Variants in CEP131 observed in about 807,000 individuals in gnomAD.
CEP131 encodes the protein centrosomal protein 131.
Under a neutral mutation model 136.8 loss-of-function variants are expected in CEP131, and 99 were observed. That is an observed-to-expected ratio of 0.72 (90% confidence interval 0.62 to 0.86). CEP131 has a LOEUF of 0.86. CEP131 is among the 40% of genes least tolerant of loss of function. CEP131 has a pLI of 0.00. For synonymous variants in CEP131, 646 were observed against 612.7 expected, an observed-to-expected ratio of 1.05 and a Z score of -0.80; for missense variants, 1,459 against 1,463.0, an observed-to-expected ratio of 1.00 and a Z score of 0.04.
chr17:81,202,475 C>A, intron 6 of CEP131, 77 bp from the exon 7 acceptor site: 1 of 1,523,608 alleles, frequency 6.6e-7, no homozygotes, highest in Non-Finnish European at 8.9e-7. Context: ...GGTGCCCACT[C>A]CCGGAAGTCC....
At position 81,193,937 on chromosome 17, in the gene CEP131, ACGTTCGCG is replaced by A; in HGVS notation, c.2302_2309del (p.Arg768CysfsTer26). The A allele has an allele frequency of 6.5e-7, 1 of 1,536,000 alleles. No homozygotes were observed. The highest frequency in any genetic ancestry group is 8.8e-7 in the Non-Finnish European group (1 of 1,141,740). On this transcript the variant is annotated frameshift_variant, in exon 18 of 26. Coordinates refer to ENST00000450824, the MANE Select transcript of CEP131 (RefSeq NM_014984.4). LOFTEE classifies it high-confidence loss of function. ...GGGCCACCACCCACCGCTGCCGAGC[ACGTTCGCG>A]CTCCTGCTGGCCCAGCGCCTCCTTC...
chr17:81,213,558 C>CA (rs35729341), intron 2 of CEP131, among the ~76,000 whole-genome samples: 57,485 of 137,598 alleles, frequency 0.42, 11,806 homozygotes, highest in African/African-American at 0.53. Flanking sequence ...GACACTGTCT[C>CA]AAAAAAAAAA....
At chr17:81,195,760 T>A in intron 16 of CEP131, 75 bp downstream of exon 16, 1 of 1,343,768 alleles carries the variant, frequency 7.4e-7, no homozygotes, top group Middle Eastern at 2.5e-4. Context: ...CCGGTCCTGT[T>A]CTGGGGGCTG....
chr17:81,191,253 T>A lies in CEP131; in HGVS notation c.2705A>T (p.His902Leu), dbSNP rs765594231. The A allele has an allele frequency of 1.9e-6, 3 of 1,613,370 alleles. No individual in the cohort carries two copies. The African/African-American group carries it at 4.0e-5, about 22-fold the overall frequency. Residue 902 changes from histidine to leucine, a missense_variant, in exon 22 of 26, where the codon CAC becomes CTC. Coordinates refer to ENST00000450824, the MANE Select transcript of CEP131 (RefSeq NM_014984.4). ...CAGCGCCATGTCGGCCTCCAGCCGG[T>A]GAATGACCAGCTCAATCTCCTTGTC... The part of the protein sequence containing the change: ...GRDKEIELVI[H>L]RLEADMALAK...
At chr17:81,214,833 C>T (rs34532822) in intron 2 of CEP131, among the ~76,000 whole-genome samples, 59,184 of 151,524 alleles carry the variant, frequency 0.39, 13,729 homozygotes, top group East Asian at 0.63. Flanking sequence ...AGTGCAGTGG[C>T]GCGATCTCGG....
At position 81,197,097 on chromosome 17, in the gene CEP131, G is replaced by A. The variant is rs549066108; in HGVS notation, c.1648-42C>T. ...GCGTCAGGCGGAAGCGGCAGAGGAC[G>A]GGGGGCAGCCAAGGACCTGACACGA... On this transcript the variant is annotated intron_variant, in intron 13 of 25. Coordinates refer to ENST00000450824, the MANE Select transcript of CEP131 (RefSeq NM_014984.4). 1.0e-5 allele frequency: 16 copies of A among 1,560,170 alleles called. No homozygotes were observed. In the African/African-American group the frequency reaches 1.2e-4, roughly 12 times the overall value.
Position 81,194,898 on chromosome 17 carries a change from G to A in CEP131, c.2091C>T (p.Thr697=). The A allele has an allele frequency of 1.2e-6, 2 of 1,613,460 alleles. No individual in the cohort carries two copies. The highest frequency in any genetic ancestry group is 8.5e-7 in the Non-Finnish European group (1 of 1,179,976). ...ARREKWISEK[T]KKIKEVTVRG... is the part of the protein sequence containing the mutation. ...GGACAGTGACCTCCTTGATCTTCTT[G>A]GTTTTCTCACTGATCCACTTCTCCC... Residue 697 remains threonine, a synonymous_variant, in exon 17 of 26, where the codon ACC becomes ACT. Transcript: ENST00000450824.
At chr17:81,217,605 G>A (rs897831281) in intron 2 of CEP131, among the ~76,000 whole-genome samples, 4 of 152,142 alleles carry the variant, frequency 2.6e-5, no homozygotes, top group African/African-American at 9.6e-5. Context: ...TCCACCAGCA[G>A]TTCCCGAGCT....
rs752763906 is a variant in CEP131 at position 81,191,349 on chromosome 17, C to A, written c.2623-14G>T. On this transcript the variant is annotated splice_polypyrimidine_tract_variant and intron_variant, in intron 21 of 25. Transcript: ENST00000450824. The stretch of plus-strand genomic sequence containing the variant: ...CAGCCACGCCTCCTGGGGGGACATG[C>A]GCTGCCTGGGGGTTGCCACCCGGAG... 1.5e-5 allele frequency: 24 copies of A among 1,612,148 alleles called. No individual in the cohort carries two copies. In the South Asian group the frequency reaches 1.9e-4, roughly 13 times the overall value.
At chr17:81,213,357 C>T (rs1024845386) in intron 2 of CEP131, among the ~76,000 whole-genome samples, 16 of 152,072 alleles carry the variant, frequency 1.1e-4, no homozygotes, top group African/African-American at 3.1e-4. Flanking sequence ...GTCAGGAGTT[C>T]GAGACCAGCC....
intron 18 of CEP131, among the ~76,000 whole-genome samples, chr17:81,193,615 C>T (rs1397279833): frequency 6.6e-6 from 1 of 152,214 alleles, no homozygotes; most frequent in Non-Finnish European, 1.5e-5. Context: ...CGGGTTGCTG[C>T]TCTGGGGCCA....
chr17:81,189,830 C>T lies in CEP131; in HGVS notation c.3182G>A (p.Arg1061Gln), dbSNP rs563448103. 107 of 1,611,944 alleles carry T rather than the reference C, an allele frequency of 6.6e-5. No homozygotes were observed. Among genetic ancestry groups the T allele is most frequent in the Non-Finnish European group, 8.2e-5 (97 of 1,179,536 alleles). The change falls in exon 26 of 26, where the codon CGG becomes CAG. Residue 1061 changes from arginine to glutamine, a missense_variant. Arg to Gln is a conservative substitution (Grantham distance 43). Coordinates refer to ENST00000450824, the MANE Select transcript of CEP131 (RefSeq NM_014984.4). ...LRTQHEAAVK[R>Q]ADHLEELLEQ... ...CAGCAGCTCCTCCAGGTGGTCGGCCCGCTTCACCGCAGCCTGCAGCACACC... is the reference window on the plus strand; with the variant it reads ...CAGCAGCTCCTCCAGGTGGTCGGCCTGCTTCACCGCAGCCTGCAGCACACC...
At chr17:81,202,943 A>C (rs554532483) in intron 6 of CEP131, among the ~76,000 whole-genome samples, 1 of 150,704 alleles carries the variant, frequency 6.6e-6, no homozygotes, top group East Asian at 1.9e-4. Flanking sequence ...CAGCCTGGGC[A>C]ACAAGAATGA....
chr17:81,221,343 C>G (rs1474253636), intron 1 of CEP131, among the ~76,000 whole-genome samples: 1 of 152,106 alleles, frequency 6.6e-6, no homozygotes, highest in Non-Finnish European at 1.5e-5. Context: ...GCCCCCAGCC[C>G]GTCCCCACAT....
rs779947121 is a variant in CEP131 at position 81,207,169 on chromosome 17, G to A, written c.343C>T (p.Leu115=). Residue 115 remains leucine, a synonymous_variant, in exon 4 of 26, where the codon CTG becomes TTG. Transcript: ENST00000450824. ...CCCTTCTCGCTGGGGGCTGTGCTCA[G>A]GCTGGCAGGCCTCTTTTTCCCACTG... The part of the protein sequence containing the change: ...SPSGKKRPAS[L]STAPSEKGAT... The A allele has an allele frequency of 6.2e-7, 1 of 1,613,714 alleles. No individual in the cohort carries two copies.
At position 81,203,954 on chromosome 17, in the gene CEP131, G is replaced by T. The variant is rs747056867; in HGVS notation, c.516-347C>A. Reference sequence around the variant, plus strand: ...GAAGCGAAGCCCCATCCCACACGACGGATGGAAGCCACATTCTCTGCCTCT... The same window carrying T: ...GAAGCGAAGCCCCATCCCACACGACTGATGGAAGCCACATTCTCTGCCTCT... On this transcript the variant is annotated intron_variant, in intron 5 of 25. Coordinates refer to ENST00000450824, the MANE Select transcript of CEP131 (RefSeq NM_014984.4). The surrounding 1 kb of genome is among the most constrained non-coding windows in gnomAD (Gnocchi z 4.6). 5 of 236,756 alleles carry T rather than the reference G, an allele frequency of 2.1e-5. No homozygotes were observed. Among genetic ancestry groups the T allele is most frequent in the African/African-American group, 6.8e-5 (3 of 44,376 alleles). The allele number at this position is 236,756 out of a possible 1,614,324, so 14.7% of individuals were successfully genotyped here.
At chr17:81,220,215 T>C (rs1234116476) in intron 1 of CEP131, 142 bp from the exon 2 acceptor site, 5 of 570,498 alleles carry the variant, frequency 8.8e-6, no homozygotes, top group Non-Finnish European at 1.3e-5. Flanking sequence ...TGCACCCCTC[T>C]GGCTGGTGGC....
Position 81,204,025 on chromosome 17 carries a change from C to T in CEP131, c.516-418G>A, listed in dbSNP as rs191108040. 3.2e-3 allele frequency: 530 copies of T among 166,716 alleles called. 2 individuals carry two copies. Among genetic ancestry groups the T allele is most frequent in the African/African-American group, 0.012 (491 of 42,014 alleles). The allele number at this position is 166,716 out of a possible 1,614,324, so 10.3% of individuals were successfully genotyped here. A position where few individuals can be genotyped will look rare whatever the true frequency, so the allele number is the denominator to read the frequency against. On this transcript the variant is annotated intron_variant, in intron 5 of 25. Coordinates refer to ENST00000450824, the MANE Select transcript of CEP131 (RefSeq NM_014984.4). ...GAAGGCGGGAGGACAGGACCAATACCGAGGCTGACAGGAGGGATGGGGAGA... is the reference window on the plus strand; with the variant it reads ...GAAGGCGGGAGGACAGGACCAATACTGAGGCTGACAGGAGGGATGGGGAGA...
chr17:81,199,989 T>C (rs988460170), intron 8 of CEP131, 154 bp from the exon 9 acceptor site: 6 of 758,700 alleles, frequency 7.9e-6, no homozygotes, highest in Admixed American at 4.4e-5. Flanking sequence ...ACCTTGAACC[T>C]GCCATTTCTC....
Sources: allele counts gnomAD v4.1 joint callset (sites outside exome capture counted in the v4.1 genomes callset), GRCh38; gene constraint gnomAD v4.1.1; non-coding constraint Gnocchi (gnomAD v3.1); transcripts MANE v1.5; gene names NCBI Gene and HGNC (gene_info 2026-07-23, HGNC 2026-07-21).